INSYN2B: variants seen among roughly 807,000 people sequenced by gnomAD.
The protein encoded by INSYN2B is inhibitory synaptic factor family member 2B.
INSYN2B carries 16 observed loss-of-function variants against 41.2 expected under a neutral mutation model. The ratio of observed to expected loss-of-function variants is 0.39; its 90% CI spans 0.26 to 0.59. The LOEUF is 0.59. Ranked by LOEUF, INSYN2B falls within the 20% of genes least tolerant of loss-of-function variation. The pLI is 0.57. For missense variants in INSYN2B, 608 were observed against 646.4 expected (o/e 0.94, Z 0.64); for synonymous variants, 245 against 244.4 (o/e 1.00, Z -0.02).
chr5:169,883,631 C>T lies in INSYN2B; in HGVS notation c.268G>A (p.Gly90Arg). 1 of 1,551,426 alleles carries T rather than the reference C, an allele frequency of 6.4e-7. No individual in the cohort carries two copies. Among genetic ancestry groups the T allele is most frequent in the Non-Finnish European group, 8.7e-7 (1 of 1,146,842 alleles). ...TGGATTGCAATGTTGCGAAAGCCCC[C>T]TGCCTTCTGGGACCTGGGGAAGGAG... ...SLSFPRSQKA[G>R]GFRNIAIQTS... Residue 90 changes from glycine (G) to arginine (R), a missense_variant, in exon 2 of 4, where the codon GGG becomes AGG. Gly to Arg is a moderately radical substitution (Grantham distance 125, BLOSUM62 -2). Coordinates refer to ENST00000377365, the MANE Select transcript of INSYN2B (RefSeq NM_001129891.3).
intron 1 of INSYN2B, among the ~76,000 whole-genome samples, chr5:169,901,932 C>G (rs1452025662): frequency 6.6e-6 from 1 of 152,174 alleles, no homozygotes; most frequent in Non-Finnish European, 1.5e-5. Context: ...GACCACAGTG[C>G]CCTCTCCTAC....
chr5:169,939,226 T>A (rs975474444), intron 1 of INSYN2B, among the ~76,000 whole-genome samples: 4 of 150,434 alleles, frequency 2.7e-5, no homozygotes, highest in Non-Finnish European at 4.4e-5. Flanking sequence ...TTAAACTTTT[T>A]AAGCTCTTTT....
intron 1 of INSYN2B, among the ~76,000 whole-genome samples, chr5:169,957,150 G>T (rs1776903746): frequency 1.3e-5 from 2 of 152,142 alleles, no homozygotes; most frequent in African/African-American, 4.8e-5. Flanking sequence ...TGTGTGATTT[G>T]CTTCTCATTG....
intron 1 of INSYN2B, among the ~76,000 whole-genome samples, chr5:169,890,792 CT>C (rs1773236190): frequency 6.6e-6 from 1 of 152,102 alleles, no homozygotes; most frequent in Admixed American, 6.5e-5. Flanking sequence ...CCATGTTTGA[CT>C]TTTTTGCACA....
intron 1 of INSYN2B, among the ~76,000 whole-genome samples, chr5:169,971,149 G>T (rs1209061535): frequency 2.0e-5 from 3 of 149,514 alleles, no homozygotes; most frequent in Non-Finnish European, 4.4e-5. Flanking sequence ...GGACAAATGT[G>T]AATTTAAGAG....
At chr5:169,971,957 C>A (rs575360716) in intron 1 of INSYN2B, among the ~76,000 whole-genome samples, 1 of 152,208 alleles carries the variant, frequency 6.6e-6, no homozygotes, top group Non-Finnish European at 1.5e-5. Flanking sequence ...ATATATACTA[C>A]CACTCCCTGC....
chr5:169,966,245 T>C (rs1777295764), intron 1 of INSYN2B, among the ~76,000 whole-genome samples: 1 of 152,062 alleles, frequency 6.6e-6, no homozygotes, highest in Admixed American at 6.6e-5. Flanking sequence ...GGTTGCTTCA[T>C]AACAAAGATA....
At chr5:169,973,138 C>T (rs1777588527) in intron 1 of INSYN2B, among the ~76,000 whole-genome samples, 2 of 152,170 alleles carry the variant, frequency 1.3e-5, no homozygotes, top group Admixed American at 6.5e-5. Context: ...ATCTTCCCTC[C>T]TGGAAGCTCT....
intron 1 of INSYN2B, among the ~76,000 whole-genome samples, chr5:169,933,167 T>C (rs141340381): frequency 3.9e-5 from 6 of 152,338 alleles, no homozygotes; most frequent in South Asian, 2.1e-4. Context: ...AATTCACCTT[T>C]TGGTGTACCC....
rs997989825 is a variant in INSYN2B at position 169,884,623 on chromosome 5, A to T, written c.-725T>A. 2 of 152,232 alleles carry T rather than the reference A, an allele frequency of 1.3e-5. No individual in the cohort carries two copies. Among genetic ancestry groups the T allele is most frequent in the Admixed American group, 6.5e-5 (1 of 15,272 alleles). The allele number at this position is 152,232 out of a possible 1,614,324, so 9.4% of individuals were successfully genotyped here. A position where few individuals can be genotyped will look rare whatever the true frequency, so the allele number is the denominator to read the frequency against. ...ATAGCCTCACAAAACCCAGTGGGGT[A>T]TGACCAGGACAGGATTGAGGAATCA... is the stretch of plus-strand genomic sequence containing the variant. On this transcript the variant is annotated 5_prime_UTR_variant, in exon 2 of 4. Coordinates refer to ENST00000377365, the MANE Select transcript of INSYN2B (RefSeq NM_001129891.3).
chr5:169,913,199 C>T (rs1014765288), intron 1 of INSYN2B, among the ~76,000 whole-genome samples: 1 of 152,190 alleles, frequency 6.6e-6, no homozygotes, highest in African/African-American at 2.4e-5. Context: ...TCGGAATGTG[C>T]TATTGAAGTT....
At position 169,892,882 on chromosome 5, in the gene INSYN2B, G is replaced by A. The variant is rs150179571; in HGVS notation, c.-918-8066C>T. On this transcript the variant is annotated intron_variant, in intron 1 of 3. Coordinates refer to ENST00000377365, the MANE Select transcript of INSYN2B (RefSeq NM_001129891.3). The stretch of plus-strand genomic sequence containing the variant: ...TTTCTCTTTTATTGTGTTTCCCTCT[G>A]TCTTCACTCCTTCTTTTCCCCTTCT... 5.7e-4 allele frequency among the ~76,000 whole-genome samples: 87 copies of A among 151,912 alleles called. 1 individual carries two copies. The East Asian group carries it at 0.014, about 25-fold the overall frequency.
In INSYN2B at chr5:169,883,408, A is replaced by C; in HGVS notation, c.491T>G (p.Val164Gly). The C allele has an allele frequency of 3.2e-6, 5 of 1,551,564 alleles. No homozygotes were observed. The highest frequency in any genetic ancestry group is 4.4e-6 in the Non-Finnish European group (5 of 1,146,948). The change falls in exon 2 of 4, where the codon GTC becomes GGC. Residue 164 changes from valine (V) to glycine (G), a missense_variant. Coordinates refer to ENST00000377365, the MANE Select transcript of INSYN2B (RefSeq NM_001129891.3). ...TGGGAGGAATGCATGGGACACCTTG[A>C]CCCTTCGAGGCCCATCCTCAAGATG... is the stretch of plus-strand genomic sequence containing the variant. Reference protein sequence around the residue: ...AQHLEDGPRRVKVSHAFLPRV... With the variant: ...AQHLEDGPRRGKVSHAFLPRV...
Position 169,864,339 on chromosome 5 carries a change from G to T in INSYN2B, c.1542C>A (p.Ala514=), listed in dbSNP as rs565097258. Residue 514 remains alanine, a synonymous_variant, in exon 4 of 4, where the codon GCC becomes GCA. Transcript: ENST00000377365. The part of the protein sequence containing the change: ...PPPKSPAEPP[A]PEKQDLRRKT... The stretch of plus-strand genomic sequence containing the variant: ...TCCGCCTTAAGTCCTGCTTTTCCGG[G>T]GCTGGGGGTTCTGCTGGGGACTTTG... 2 of 1,551,574 alleles carry T rather than the reference G, an allele frequency of 1.3e-6. No individual in the cohort carries two copies. Among genetic ancestry groups the T allele is most frequent in the South Asian group, 1.2e-5 (1 of 84,058 alleles).
intron 1 of INSYN2B, among the ~76,000 whole-genome samples, chr5:169,949,998 T>G (rs189492076): frequency 2.0e-5 from 3 of 152,284 alleles, no homozygotes; most frequent in Admixed American, 6.5e-5. Flanking sequence ...AACCTCGCAA[T>G]GAAGGAGGGT....
chr5:169,899,546 T>C (rs987981147), intron 1 of INSYN2B, among the ~76,000 whole-genome samples: 2 of 152,158 alleles, frequency 1.3e-5, no homozygotes, highest in African/African-American at 4.8e-5. Flanking sequence ...AGATCAATAA[T>C]GGAGAATATA....
At chr5:169,963,242 C>T (rs542036576) in intron 1 of INSYN2B, among the ~76,000 whole-genome samples, 13 of 152,132 alleles carry the variant, frequency 8.5e-5, no homozygotes, top group Non-Finnish European at 1.9e-4. Context: ...CAGTTTATGT[C>T]CATGAACTGA....
chr5:169,875,644 G>C (rs1315935478), intron 3 of INSYN2B: 1 of 188,638 alleles, frequency 5.3e-6, no homozygotes, highest in Non-Finnish European at 1.1e-5. Context: ...CCCTTCCTGA[G>C]CAACAGTTCC....
At chr5:169,923,658 T>C (rs1775294617) in intron 1 of INSYN2B, among the ~76,000 whole-genome samples, 1 of 152,240 alleles carries the variant, frequency 6.6e-6, no homozygotes, top group Non-Finnish European at 1.5e-5. Flanking sequence ...TAATATTGCT[T>C]CAAAGAAGGT....
Sources: gnomAD v4.1 joint callset for allele counts (sites outside exome capture counted in the v4.1 genomes callset) on GRCh38, gnomAD v4.1.1 for gene constraint, MANE v1.5 for transcripts, NCBI Gene and HGNC (gene_info 2026-07-23, HGNC 2026-07-21) for gene names.